VRK1: variants seen among roughly 807,000 people sequenced by gnomAD.
VRK1 encodes VRK serine/threonine kinase 1.
Under a neutral mutation model 57.1 loss-of-function variants are expected in VRK1, and 33 were observed. The observed-to-expected ratio is 0.58, with a 90% CI of 0.44 to 0.77. The LOEUF (loss-of-function observed/expected upper bound fraction) is 0.77. VRK1 is among the 30% of genes least tolerant of loss of function. The pLI is 0.00. For synonymous variants in VRK1, 137 were observed against 147.8 expected, an observed-to-expected ratio of 0.93 and a Z score of 0.53; for missense variants, 413 against 477.3, an observed-to-expected ratio of 0.87 and a Z score of 1.25.
chr14:96,798,005 C>T (rs1370515245), intron 1 of VRK1, among the ~76,000 whole-genome samples: 1 of 152,094 alleles, frequency 6.6e-6, no homozygotes. Flanking sequence ...AGGATGTGAC[C>T]TTTGACTTGA....
intron 11 of VRK1, 61 bp downstream of exon 11, chr14:96,860,796 A>G (rs927772123): frequency 5.7e-6 from 9 of 1,568,102 alleles, no homozygotes; most frequent in Non-Finnish European, 7.9e-6. Flanking sequence ...AATAAATACT[A>G]AAAGAAAGTA....
intron 1 of VRK1, among the ~76,000 whole-genome samples, chr14:96,820,314 G>A (rs954149894): frequency 1.3e-5 from 2 of 151,946 alleles, no homozygotes; most frequent in Non-Finnish European, 2.9e-5. Context: ...AATGCTGAAT[G>A]ACTGTAGAAT....
chr14:96,861,607 C>G (rs979653399), intron 11 of VRK1, among the ~76,000 whole-genome samples: 1 of 152,060 alleles, frequency 6.6e-6, no homozygotes. Context: ...TCTTTAAAAT[C>G]AGACGCAGCA....
chr14:96,840,832 G>A (rs1887428597), intron 3 of VRK1, among the ~76,000 whole-genome samples: 1 of 151,086 alleles, frequency 6.6e-6, no homozygotes. Context: ...GTATAATCAT[G>A]TCTTTTTTGT....
chr14:96,821,329 A>G (rs1666700065), intron 1 of VRK1, among the ~76,000 whole-genome samples: 1 of 152,198 alleles, frequency 6.6e-6, no homozygotes, highest in Admixed American at 6.5e-5. Flanking sequence ...GAAAGTCTAG[A>G]GTAAGAGATG....
chr14:96,797,869 A>G (rs1885500415), intron 1 of VRK1, among the ~76,000 whole-genome samples: 1 of 152,236 alleles, frequency 6.6e-6, no homozygotes, highest in African/African-American at 2.4e-5. Context: ...TAGAAGGGAA[A>G]CAACACACGC....
chr14:96,871,526 A>G (rs953280447), intron 11 of VRK1, among the ~76,000 whole-genome samples: 3 of 152,266 alleles, frequency 2.0e-5, no homozygotes, highest in Admixed American at 1.3e-4. Context: ...GCTTATAGCA[A>G]AACAAATAGT....
At chr14:96,868,778 C>T (rs565158181) in intron 11 of VRK1, among the ~76,000 whole-genome samples, 4 of 148,570 alleles carry the variant, frequency 2.7e-5, no homozygotes, top group Admixed American at 6.7e-5. Flanking sequence ...GCCAGTTCTT[C>T]GGAAATGTTA....
intron 12 of VRK1, among the ~76,000 whole-genome samples, chr14:96,877,012 G>C (rs1027698277): frequency 1.3e-5 from 2 of 151,508 alleles, no homozygotes; most frequent in Admixed American, 6.6e-5. Flanking sequence ...TCAATAAAGA[G>C]AGCTATTCAG....
chr14:96,862,094 CT>C (rs564416749), intron 11 of VRK1, among the ~76,000 whole-genome samples: 45 of 152,266 alleles, frequency 3.0e-4, no homozygotes, highest in African/African-American at 1.1e-3. Flanking sequence ...CCCCATCCCC[CT>C]GTCCCCGCCC....
intron 10 of VRK1, among the ~76,000 whole-genome samples, chr14:96,857,781 C>G (rs1888225259): frequency 6.6e-6 from 1 of 152,148 alleles, no homozygotes; most frequent in Non-Finnish European, 1.5e-5. Context: ...AAAATTGCAA[C>G]CTACTCCCCA....
At chr14:96,801,887 T>A (rs1265352683) in intron 1 of VRK1, among the ~76,000 whole-genome samples, 1 of 152,162 alleles carries the variant, frequency 6.6e-6, no homozygotes, top group Non-Finnish European at 1.5e-5. Flanking sequence ...GAGGAGAGGT[T>A]GGTCTTGCTG....
chr14:96,828,682 AT>A (rs946215897), intron 1 of VRK1, among the ~76,000 whole-genome samples: 51 of 149,122 alleles, frequency 3.4e-4, no homozygotes, highest in African/African-American at 9.1e-4. Context: ...ACCAAGTATA[AT>A]TTTTTTTTTT....
intron 7 of VRK1, 83 bp from the exon 8 acceptor site, chr14:96,855,141 C>A: frequency 6.2e-7 from 1 of 1,603,958 alleles, no homozygotes; most frequent in Non-Finnish European, 8.5e-7. Flanking sequence ...CCTTCAGATG[C>A]CAGTATTTTG....
intron 1 of VRK1, among the ~76,000 whole-genome samples, chr14:96,802,512 A>G (rs781342342): frequency 6.6e-6 from 1 of 152,232 alleles, no homozygotes; most frequent in East Asian, 1.9e-4. Flanking sequence ...CAGAGATTGT[A>G]TGATTCCATT....
At chr14:96,877,589 A>G (rs1408971754) in intron 12 of VRK1, 28 of 1,289,250 alleles carry the variant, frequency 2.2e-5, no homozygotes, top group Non-Finnish European at 2.5e-5. Flanking sequence ...TGGGAACAAA[A>G]TTAAGGAGTA....
At chr14:96,808,035 G>C (rs1885975463) in intron 1 of VRK1, among the ~76,000 whole-genome samples, 2 of 103,222 alleles carry the variant, frequency 1.9e-5, no homozygotes, top group Non-Finnish European at 4.0e-5. Flanking sequence ...GTGTGTGTGT[G>C]TGTGTGTGTG....
intron 1 of VRK1, among the ~76,000 whole-genome samples, chr14:96,816,750 A>G (rs1056546142): frequency 6.6e-6 from 1 of 151,538 alleles, no homozygotes; most frequent in Non-Finnish European, 1.5e-5. Flanking sequence ...AAAATGGGAA[A>G]TTTTACAGGA....
intron 10 of VRK1, among the ~76,000 whole-genome samples, chr14:96,857,242 A>C (rs1888199623): frequency 6.6e-6 from 1 of 152,162 alleles, no homozygotes; most frequent in Admixed American, 6.5e-5. Flanking sequence ...AACTAGAAGA[A>C]AACAGGGAAT....
Sources: gnomAD v4.1 joint callset for allele counts (sites outside exome capture counted in the v4.1 genomes callset) on GRCh38, gnomAD v4.1.1 for gene constraint, MANE v1.5 for transcripts, NCBI Gene and HGNC (gene_info 2026-07-23, HGNC 2026-07-21) for gene names.